Variants in OLFML2A observed in about 807,000 individuals in gnomAD.
The protein encoded by OLFML2A is olfactomedin like 2A.
Under a neutral mutation model 60.9 loss-of-function variants are expected in OLFML2A, and 47 were observed. That is an observed-to-expected ratio of 0.77 (90% CI 0.61 to 0.98). The LOEUF (loss-of-function observed/expected upper bound fraction) is 0.98. OLFML2A is among the 50% of genes least tolerant of loss of function. OLFML2A has a pLI of 0.00. For synonymous variants in OLFML2A, 372 were observed against 375.0 expected, an observed-to-expected ratio of 0.99 and a Z score of 0.09; for missense variants, 922 against 879.8, an observed-to-expected ratio of 1.05 and a Z score of -0.61.
rs1842082586 is a variant in OLFML2A at position 124,814,678 on chromosome 9, A to T, written c.*4266A>T. 6.6e-6 allele frequency: 1 copy of T among 152,204 alleles called. No homozygotes were observed. Among genetic ancestry groups the T allele is most frequent in the Non-Finnish European group, 1.5e-5 (1 of 68,032 alleles). The allele number at this position is 152,204 out of a possible 1,614,324, so 9.4% of individuals were successfully genotyped here. ...CCTTGTTTTGGCCGCTGGGAAGCTC[A>T]AAGTCAAATTCGAGACCCTTTTTTT... is the stretch of plus-strand genomic sequence containing the variant. On this transcript the variant is annotated 3_prime_UTR_variant, in exon 8 of 8. Transcript: ENST00000373580.
chr9:124,786,692 G>T (rs1841477394), intron 1 of OLFML2A, among the ~76,000 whole-genome samples: 1 of 150,342 alleles, frequency 6.7e-6, no homozygotes, highest in Non-Finnish European at 1.5e-5. Flanking sequence ...CTGCACTCCA[G>T]CCTGGGCGAC....
At position 124,807,977 on chromosome 9, in the gene OLFML2A, C is replaced by G. The variant is rs371652356; in HGVS notation, c.1354+11C>G. On this transcript the variant is annotated intron_variant, in intron 7 of 7. Coordinates refer to ENST00000373580, the MANE Select transcript of OLFML2A (RefSeq NM_182487.4). ...AAAACTTCAAGCAAGGTCAGGGACC[C>G]CCGGAGGTGGAGAGGGGGCTGGGTA... is the stretch of plus-strand genomic sequence containing the variant. 15 of 1,610,976 alleles carry G rather than the reference C, an allele frequency of 9.3e-6. No homozygotes were observed. The highest frequency in any genetic ancestry group is 1.7e-5 in the Admixed American group (1 of 59,874).
chr9:124,784,138 C>A (rs1268483971), intron 1 of OLFML2A, among the ~76,000 whole-genome samples: 1 of 151,422 alleles, frequency 6.6e-6, no homozygotes. Flanking sequence ...TTGAAGGCCA[C>A]GGTAAGGGCT....
intron 5 of OLFML2A, among the ~76,000 whole-genome samples, chr9:124,802,212 A>G (rs547682253): frequency 5.9e-5 from 9 of 152,318 alleles, no homozygotes; most frequent in Admixed American, 3.3e-4. Context: ...GAAGGGTGAC[A>G]AAGTAATTGG....
chr9:124,786,746 G>A (rs1194320473), intron 1 of OLFML2A, among the ~76,000 whole-genome samples: 2 of 79,874 alleles, frequency 2.5e-5, no homozygotes, highest in African/African-American at 9.8e-5. Flanking sequence ...ACGCAGAGAC[G>A]TAGACACACA....
At chr9:124,807,348 AT>A (rs1424579505) in intron 6 of OLFML2A, among the ~76,000 whole-genome samples, 1 of 136,476 alleles carries the variant, frequency 7.3e-6, no homozygotes, top group Non-Finnish European at 1.5e-5. Flanking sequence ...CAGTGGCATG[AT>A]CTCTGCTCAC....
chr9:124,778,266 T>C lies in OLFML2A; in HGVS notation c.90+906T>C, dbSNP rs1284225485. Among the ~76,000 whole-genome samples the C allele has an allele frequency of 2.7e-5, 4 of 148,530 alleles. No homozygotes were observed. The Admixed American group carries it at 2.7e-4, about 10-fold the overall frequency. ...GTCCCAGCTACTCCGGAAGCTGAGG[T>C]AGGAGAATGGCGTGAACCCGGGAGG... On this transcript the variant is annotated intron_variant, in intron 1 of 7. Transcript: ENST00000373580.
chr9:124,813,279 G>A lies in OLFML2A; in HGVS notation c.*2867G>A, dbSNP rs1842055924. ...CTTCATTTTACATATGGTCACATTG[G>A]CGCCTAGAACAGTTAGGTCGCTCGT... is the stretch of plus-strand genomic sequence containing the variant. On this transcript the variant is annotated 3_prime_UTR_variant, in exon 8 of 8. Coordinates refer to ENST00000373580, the MANE Select transcript of OLFML2A (RefSeq NM_182487.4). 1 of 152,214 alleles carries A rather than the reference G, an allele frequency of 6.6e-6. No individual in the cohort carries two copies. Among genetic ancestry groups the A allele is most frequent in the Non-Finnish European group, 1.5e-5 (1 of 68,066 alleles). The allele number at this position is 152,214 out of a possible 1,614,324, so 9.4% of individuals were successfully genotyped here.
chr9:124,793,786 G>C (rs2131259543), intron 2 of OLFML2A, among the ~76,000 whole-genome samples: 1 of 152,324 alleles, frequency 6.6e-6, no homozygotes, highest in East Asian at 1.9e-4. Flanking sequence ...AGTGCTTTGG[G>C]AGGCTGAGGC....
At chr9:124,796,575 G>T (rs547691199) in intron 3 of OLFML2A, among the ~76,000 whole-genome samples, 1 of 152,316 alleles carries the variant, frequency 6.6e-6, no homozygotes, top group African/African-American at 2.4e-5. Context: ...ATAACCTTAT[G>T]GAAAAATTAA....
chr9:124,808,432 G>A (rs749096298), intron 7 of OLFML2A, among the ~76,000 whole-genome samples: 6 of 152,158 alleles, frequency 3.9e-5, no homozygotes, highest in African/African-American at 4.8e-5. Context: ...TGGAGCTGAC[G>A]GCACAGGGAA....
intron 4 of OLFML2A, among the ~76,000 whole-genome samples, chr9:124,800,143 T>C (rs1379103758): frequency 6.6e-6 from 1 of 152,230 alleles, no homozygotes; most frequent in Non-Finnish European, 1.5e-5. Flanking sequence ...AGCAGATCAA[T>C]TAGAAGGAAC....
At chr9:124,778,623 TAAAA>T (rs35250314) in intron 1 of OLFML2A, among the ~76,000 whole-genome samples, 41 of 147,180 alleles carry the variant, frequency 2.8e-4, no homozygotes, top group South Asian at 6.4e-4. Flanking sequence ...CCCGTCTCTA[TAAAA>T]AAAAAAAAAA....
intron 3 of OLFML2A, 103 bp downstream of exon 3, chr9:124,795,234 T>C (rs2131261776): frequency 3.2e-6 from 2 of 626,104 alleles, no homozygotes; most frequent in East Asian, 2.9e-5. Context: ...CTGGTGACCA[T>C]GGGAAGCCAG....
chr9:124,793,194 C>T (rs372300461), intron 2 of OLFML2A, among the ~76,000 whole-genome samples: 2 of 152,228 alleles, frequency 1.3e-5, no homozygotes, highest in Non-Finnish European at 2.9e-5. Context: ...AGGGTGGGCC[C>T]GAGGAACTGC....
intron 5 of OLFML2A, 139 bp from the exon 6 acceptor site, chr9:124,803,955 C>T (rs1476695793): frequency 1.1e-6 from 1 of 888,248 alleles, no homozygotes; most frequent in Non-Finnish European, 1.7e-6. Flanking sequence ...TCACCCCCCT[C>T]CAGGTGTGAG....
intron 3 of OLFML2A, among the ~76,000 whole-genome samples, chr9:124,796,826 C>T (rs2131263935): frequency 6.6e-6 from 1 of 152,306 alleles, no homozygotes; most frequent in Middle Eastern, 3.4e-3. Flanking sequence ...AAGTGGGGGA[C>T]AGGATGGGTG....
At chr9:124,799,595 G>A (rs970432987) in intron 4 of OLFML2A, 104 bp downstream of exon 4, 3 of 937,470 alleles carry the variant, frequency 3.2e-6, no homozygotes, top group Non-Finnish European at 4.8e-6. Flanking sequence ...GTTTGGGGCT[G>A]TAAGATGGGG....
chr9:124,778,125 C>G (rs1372786134), intron 1 of OLFML2A, among the ~76,000 whole-genome samples: 2 of 152,042 alleles, frequency 1.3e-5, no homozygotes, highest in East Asian at 3.9e-4. Context: ...TTTGGGAGGC[C>G]GAGACGGGCG....
Sources: allele counts gnomAD v4.1 joint callset (sites outside exome capture counted in the v4.1 genomes callset), GRCh38; gene constraint gnomAD v4.1.1; transcripts MANE v1.5; gene names NCBI Gene and HGNC (gene_info 2026-07-23, HGNC 2026-07-21).